GSTCD: variants seen among roughly 807,000 people sequenced by gnomAD.
GSTCD encodes the protein glutathione S-transferase C-terminal domain containing, also known as glutathione S-transferase C-terminal domain-containing protein.
In GSTCD, 44 loss-of-function variants were observed where a neutral mutation model predicts 68.3. That is an observed-to-expected ratio of 0.64 (90% CI 0.51 to 0.83). The LOEUF is 0.83. Ranked by LOEUF, GSTCD falls within the 40% of genes least tolerant of loss-of-function variation. GSTCD has a pLI of 0.00. For missense variants in GSTCD, 739 were observed against 735.9 expected, an observed-to-expected ratio of 1.00 and a Z score of -0.05; for synonymous variants, 273 against 255.2, an observed-to-expected ratio of 1.07 and a Z score of -0.67.
chr4:105,726,468 G>T, intron 3 of GSTCD, 111 bp from the exon 4 acceptor site: 5 of 667,584 alleles, frequency 7.5e-6, no homozygotes, highest in Non-Finnish European at 1.2e-5. Context: ...ACAACTCATT[G>T]TTTGAACTAT....
At chr4:105,735,493 C>G (rs1356896533) in intron 5 of GSTCD, among the ~76,000 whole-genome samples, 1 of 152,212 alleles carries the variant, frequency 6.6e-6, no homozygotes, top group East Asian at 1.9e-4. Flanking sequence ...GATATAATCT[C>G]CTGGTGTGCC....
intron 5 of GSTCD, among the ~76,000 whole-genome samples, chr4:105,786,548 A>AT (rs1168811364): frequency 6.6e-6 from 1 of 151,764 alleles, no homozygotes; most frequent in Non-Finnish European, 1.5e-5. Context: ...AAAAAAAAAA[A>AT]GACCACAATC....
At chr4:105,840,850 G>A (rs754144640) in intron 10 of GSTCD, among the ~76,000 whole-genome samples, 1 of 152,182 alleles carries the variant, frequency 6.6e-6, no homozygotes, top group African/African-American at 2.4e-5. Flanking sequence ...TACACTTCCT[G>A]CAGCCTTTTG....
At chr4:105,718,597 A>G (rs1233739147) in intron 2 of GSTCD, among the ~76,000 whole-genome samples, 9 of 152,282 alleles carry the variant, frequency 5.9e-5, no homozygotes, top group African/African-American at 2.2e-4. Context: ...GGGCTAATAT[A>G]CCCTTTACGT....
intron 1 of GSTCD, among the ~76,000 whole-genome samples, chr4:105,713,631 A>G (rs1357634026): frequency 3.9e-5 from 6 of 152,192 alleles, no homozygotes; most frequent in Non-Finnish European, 8.8e-5. Flanking sequence ...GAGCATTAGA[A>G]GTAATGCACA....
chr4:105,782,323 T>C (rs371455961), intron 5 of GSTCD, among the ~76,000 whole-genome samples: 1 of 151,846 alleles, frequency 6.6e-6, no homozygotes, highest in Non-Finnish European at 1.5e-5. Context: ...CATAGCAAGA[T>C]CTCATTTCTA....
intron 5 of GSTCD, among the ~76,000 whole-genome samples, chr4:105,735,610 C>T (rs1733434648): frequency 6.6e-6 from 1 of 152,096 alleles, no homozygotes; most frequent in Non-Finnish European, 1.5e-5. Context: ...ATTCCCTGAC[C>T]CCTTGCACTT....
intron 5 of GSTCD, among the ~76,000 whole-genome samples, chr4:105,747,257 A>T (rs1021595408): frequency 2.0e-5 from 3 of 152,236 alleles, no homozygotes; most frequent in African/African-American, 7.2e-5. Context: ...GCTTTTTCTA[A>T]GGCCGGTAGG....
chr4:105,759,165 A>G (rs2149233963), intron 5 of GSTCD, among the ~76,000 whole-genome samples: 1 of 152,290 alleles, frequency 6.6e-6, no homozygotes, highest in African/African-American at 2.4e-5. Flanking sequence ...TCTTAAGAGT[A>G]TGACAGTCTC....
Position 105,789,873 on chromosome 4 carries a change from AGCTTC to A in GSTCD, c.1241-33080_1241-33076del, listed in dbSNP as rs1735598633. Among the ~76,000 whole-genome samples, 3 of 151,922 alleles carry A rather than the reference AGCTTC, an allele frequency of 2.0e-5. No individual in the cohort carries two copies. In the South Asian group the frequency reaches 6.3e-4, roughly 32 times the overall value. The stretch of plus-strand genomic sequence containing the variant: ...ATTTTGTTAGTGGCAAAGCAGGGCC[AGCTTC>A]CTGATCTCTCAATTCTCAGTCAGCC... On this transcript the variant is annotated intron_variant, in intron 5 of 11. Transcript: ENST00000515279.
At chr4:105,756,804 C>T (rs1734214098) in intron 5 of GSTCD, among the ~76,000 whole-genome samples, 2 of 151,910 alleles carry the variant, frequency 1.3e-5, no homozygotes, top group African/African-American at 4.8e-5. Context: ...CACCTAAAAT[C>T]AGAAAATTTG....
At chr4:105,820,774 A>G (rs1332780865) in intron 5 of GSTCD, among the ~76,000 whole-genome samples, 2 of 151,880 alleles carry the variant, frequency 1.3e-5, no homozygotes, top group African/African-American at 4.8e-5. Context: ...TCATTTCTAC[A>G]TGTATTTTTT....
chr4:105,769,233 G>GATCT (rs139425249), intron 5 of GSTCD, among the ~76,000 whole-genome samples: 1 of 146,230 alleles, frequency 6.8e-6, no homozygotes, highest in African/African-American at 2.5e-5. Flanking sequence ...ATACACGCGC[G>GATCT]CACACACACA....
chr4:105,747,814 A>G lies in GSTCD; in HGVS notation c.1240+18315A>G, dbSNP rs141585726. ...GTTCTTATTATTTCTACTTTACCAC[A>G]CTAGATGAGACTCAAAACTAGCACG... On this transcript the variant is annotated intron_variant, in intron 5 of 11. Coordinates refer to ENST00000515279, the MANE Select transcript of GSTCD (RefSeq NM_001370181.1). Among the ~76,000 whole-genome samples, 879 of 152,152 alleles carry G rather than the reference A, an allele frequency of 5.8e-3. 7 individuals are homozygous for G. Among genetic ancestry groups the G allele is most frequent in the African/African-American group, 0.02 (835 of 41,492 alleles).
chr4:105,754,390 TA>T (rs1734110615), intron 5 of GSTCD, among the ~76,000 whole-genome samples: 1 of 152,306 alleles, frequency 6.6e-6, no homozygotes, highest in South Asian at 2.1e-4. Context: ...CATCATTATT[TA>T]AATGGCATAA....
At chr4:105,781,802 CT>C (rs879900238) in intron 5 of GSTCD, among the ~76,000 whole-genome samples, 342 of 136,604 alleles carry the variant, frequency 2.5e-3, no homozygotes, top group Non-Finnish European at 2.5e-3. Context: ...TCTTTTTTTT[CT>C]TTTTTTTTTT....
chr4:105,827,755 C>T (rs900273716), intron 8 of GSTCD, among the ~76,000 whole-genome samples: 1 of 151,896 alleles, frequency 6.6e-6, no homozygotes, highest in African/African-American at 2.4e-5. Context: ...TCAATAAGGG[C>T]TTAGTTAGCA....
In GSTCD at chr4:105,845,554, A is replaced by T; in HGVS notation, c.1879A>T (p.Met627Leu). 4.3e-6 allele frequency: 7 copies of T among 1,613,982 alleles called. No homozygotes were observed. The highest frequency in any genetic ancestry group is 5.9e-6 in the Non-Finnish European group (7 of 1,179,900). ...AGAGAGCTGCTCTCCCAAAAATAAC[A>T]TGATTGTGGGAGTCCCCATTTAAAA... is the stretch of plus-strand genomic sequence containing the variant. ...EPESCSPKNNMIVGVPI is the reference protein window; with the variant it reads ...EPESCSPKNNLIVGVPI The change falls in exon 12 of 12, where the codon ATG becomes TTG. Residue 627 changes from methionine to leucine, a missense_variant. Met to Leu is a conservative substitution (Grantham distance 15). Coordinates refer to ENST00000515279, the MANE Select transcript of GSTCD (RefSeq NM_001370181.1).
intron 5 of GSTCD, among the ~76,000 whole-genome samples, chr4:105,783,711 A>C (rs1257581754): frequency 6.6e-6 from 1 of 152,180 alleles, no homozygotes; most frequent in Non-Finnish European, 1.5e-5. Flanking sequence ...ATATGGATAC[A>C]ATGTTACTAT....
Sources: gnomAD v4.1 joint callset for allele counts (sites outside exome capture counted in the v4.1 genomes callset) on GRCh38, gnomAD v4.1.1 for gene constraint, MANE v1.5 for transcripts, NCBI Gene and HGNC (gene_info 2026-07-23, HGNC 2026-07-21) for gene names.